The following VAV3 variants were observed in gnomAD, a reference collection of about 807,000 sequenced individuals.
VAV3 encodes the protein vav guanine nucleotide exchange factor 3, also known as guanine nucleotide exchange factor VAV3.
Under a neutral mutation model 131.2 loss-of-function variants are expected in VAV3, and 94 were observed. That is an observed-to-expected ratio of 0.72 (90% CI 0.61 to 0.85). The LOEUF is 0.85. Among genes scored for constraint, VAV3 ranks in the 40% least tolerant of loss-of-function variants. The pLI is 0.00. For synonymous variants in VAV3, 349 were observed against 342.0 expected, an observed-to-expected ratio of 1.02 and a Z score of -0.22; for missense variants, 939 against 1,002.7, an observed-to-expected ratio of 0.94 and a Z score of 0.86.
At chr1:107,907,466 C>T (rs982829434) in intron 1 of VAV3, among the ~76,000 whole-genome samples, 2 of 152,064 alleles carry the variant, frequency 1.3e-5, no homozygotes, top group Non-Finnish European at 2.9e-5. Flanking sequence ...AAATGTGTCC[C>T]CCAAAGTTCA....
At chr1:107,929,588 A>G (rs565210316) in intron 1 of VAV3, among the ~76,000 whole-genome samples, 6 of 152,366 alleles carry the variant, frequency 3.9e-5, no homozygotes, top group African/African-American at 1.4e-4. Context: ...GAAAGACTAA[A>G]TGATGAACTA....
intron 1 of VAV3, among the ~76,000 whole-genome samples, chr1:107,899,377 G>A (rs11185208): frequency 0.23 from 34,644 of 151,974 alleles, 4,058 homozygotes; most frequent in African/African-American, 0.29. Context: ...TAGGTTCTGC[G>A]CAAGGTGCTG....
chr1:107,740,026 C>T (rs1342941728), intron 15 of VAV3, among the ~76,000 whole-genome samples: 1 of 152,226 alleles, frequency 6.6e-6, no homozygotes, highest in Non-Finnish European at 1.5e-5. Flanking sequence ...GTGGCTCACG[C>T]CTGAAATCCC....
chr1:107,845,645 T>G (rs1668929595), intron 2 of VAV3, among the ~76,000 whole-genome samples: 2 of 151,992 alleles, frequency 1.3e-5, no homozygotes, highest in Admixed American at 1.3e-4. Context: ...GAGAACTTCA[T>G]GAAGCATACA....
chr1:107,894,872 A>G (rs1671489989), intron 1 of VAV3, among the ~76,000 whole-genome samples: 1 of 152,228 alleles, frequency 6.6e-6, no homozygotes, highest in Non-Finnish European at 1.5e-5. Flanking sequence ...GGCCCAGTCT[A>G]CCACACAGCT....
chr1:107,670,574 C>T (rs1570724004), intron 19 of VAV3, among the ~76,000 whole-genome samples: 1 of 151,942 alleles, frequency 6.6e-6, no homozygotes, highest in Non-Finnish European at 1.5e-5. Flanking sequence ...TTAATGAACT[C>T]CTTTTGGGAG....
intron 5 of VAV3, among the ~76,000 whole-genome samples, chr1:107,772,226 T>C (rs909244035): frequency 1.3e-5 from 2 of 152,206 alleles, no homozygotes; most frequent in African/African-American, 4.8e-5. Context: ...TCATATTGGC[T>C]ATGACAATAT....
At chr1:107,715,413 A>G (rs1661035976) in intron 15 of VAV3, among the ~76,000 whole-genome samples, 1 of 152,182 alleles carries the variant, frequency 6.6e-6, no homozygotes, top group African/African-American at 2.4e-5. Flanking sequence ...AGTATAAATG[A>G]TCATCTATGT....
chr1:107,573,272 G>A lies in VAV3; in HGVS notation c.*59C>T. 6.3e-7 allele frequency: 1 copy of A among 1,588,744 alleles called. No homozygotes were observed. Among genetic ancestry groups the A allele is most frequent in the Non-Finnish European group, 8.6e-7 (1 of 1,162,256 alleles). ...TTCAGTTAATTCACGATGCTGTGCA[G>A]GCTTCTATTTATCCCTTCTCTGAAA... On this transcript the variant is annotated 3_prime_UTR_variant, in exon 27 of 27. Coordinates refer to ENST00000370056, the MANE Select transcript of VAV3 (RefSeq NM_006113.5).
chr1:107,875,816 C>T (rs943660652), intron 1 of VAV3, among the ~76,000 whole-genome samples: 1 of 152,160 alleles, frequency 6.6e-6, no homozygotes, highest in Admixed American at 6.6e-5. Flanking sequence ...TGCAATAACC[C>T]AGGTGAGAGA....
At chr1:107,903,110 G>T (rs543636426) in intron 1 of VAV3, among the ~76,000 whole-genome samples, 2 of 152,038 alleles carry the variant, frequency 1.3e-5, no homozygotes, top group African/African-American at 4.8e-5. Context: ...GAAAAAAATC[G>T]AAGTTAAGAC....
At chr1:107,856,518 C>T (rs1389338205) in intron 2 of VAV3, among the ~76,000 whole-genome samples, 1 of 151,784 alleles carries the variant, frequency 6.6e-6, no homozygotes, top group East Asian at 1.9e-4. Flanking sequence ...ACTTTTCCCC[C>T]AGGACCGAAA....
In VAV3 at chr1:107,878,273, T is replaced by C. The variant is rs191996821; in HGVS notation, c.205-3256A>G. 2.5e-3 allele frequency among the ~76,000 whole-genome samples: 375 copies of C among 152,272 alleles called. 5 individuals carry two copies. Among genetic ancestry groups the C allele is most frequent in the African/African-American group, 8.7e-3 (362 of 41,562 alleles). On this transcript the variant is annotated intron_variant, in intron 1 of 26. Transcript: ENST00000370056. ...GGACATTTTTCCTACAGATCAACAATACCATTATATCTAAGAAAATTAACA... is the reference window on the plus strand; with the variant it reads ...GGACATTTTTCCTACAGATCAACAACACCATTATATCTAAGAAAATTAACA...
At chr1:107,855,877 G>GA (rs1669444594) in intron 2 of VAV3, among the ~76,000 whole-genome samples, 1 of 152,156 alleles carries the variant, frequency 6.6e-6, no homozygotes, top group African/African-American at 2.4e-5. Flanking sequence ...CCAGAGAAAG[G>GA]AAAATGTGTG....
At chr1:107,684,726 G>A (rs960718284) in intron 18 of VAV3, among the ~76,000 whole-genome samples, 2 of 152,316 alleles carry the variant, frequency 1.3e-5, no homozygotes, top group Admixed American at 1.3e-4. Flanking sequence ...TAGAAAAGCT[G>A]TAACAAGAGT....
chr1:107,774,676 C>G (rs1284822837), intron 4 of VAV3, among the ~76,000 whole-genome samples: 1 of 152,150 alleles, frequency 6.6e-6, no homozygotes, highest in Non-Finnish European at 1.5e-5. Flanking sequence ...TACAGTGTAG[C>G]CATTACCTGC....
intron 15 of VAV3, among the ~76,000 whole-genome samples, chr1:107,725,344 A>G (rs1287161101): frequency 6.6e-6 from 1 of 152,144 alleles, no homozygotes; most frequent in African/African-American, 2.4e-5. Flanking sequence ...CTCTGAATCA[A>G]GAAGATTGCT....
intron 2 of VAV3, among the ~76,000 whole-genome samples, chr1:107,832,893 G>A (rs1668314067): frequency 6.6e-6 from 1 of 152,134 alleles, no homozygotes; most frequent in African/African-American, 2.4e-5. Context: ...CTAGAAAAAG[G>A]TCTATGATTC....
intron 21 of VAV3, among the ~76,000 whole-genome samples, chr1:107,616,309 C>T (rs1435113458): frequency 6.6e-6 from 1 of 151,990 alleles, no homozygotes; most frequent in African/African-American, 2.4e-5. Flanking sequence ...GAGCTGGAGG[C>T]CATTATCATG....
Sources: gnomAD v4.1 joint callset for allele counts (sites outside exome capture counted in the v4.1 genomes callset) on GRCh38, gnomAD v4.1.1 for gene constraint, MANE v1.5 for transcripts, NCBI Gene and HGNC (gene_info 2026-07-23, HGNC 2026-07-21) for gene names.